Variants in EVL observed in about 807,000 individuals in gnomAD.
EVL encodes the protein ena/VASP-like protein.
In EVL, 21 loss-of-function variants were observed where a neutral mutation model predicts 59.6. That is an observed-to-expected ratio of 0.35 (90% CI 0.25 to 0.51). The LOEUF (loss-of-function observed/expected upper bound fraction) is 0.51, where lower values mean the gene tolerates loss of function less well. Among genes scored for constraint, EVL ranks in the 20% least tolerant of loss-of-function variants. EVL has a pLI of 0.97. For missense variants in EVL, 462 were observed against 546.6 expected (o/e 0.85, Z 1.54); for synonymous variants, 198 against 203.5 (o/e 0.97, Z 0.23).
At chr14:99,991,919 G>A (rs1243785122) in intron 1 of EVL, among the ~76,000 whole-genome samples, 2 of 150,092 alleles carry the variant, frequency 1.3e-5, no homozygotes, top group Admixed American at 6.6e-5. Context: ...TGGGAGGGTG[G>A]GAGTTTGCAC....
intron 1 of EVL, among the ~76,000 whole-genome samples, chr14:100,075,865 G>T (rs140831431): frequency 3.3e-5 from 5 of 152,090 alleles, no homozygotes; most frequent in African/African-American, 1.2e-4. Context: ...TATCAGCTCC[G>T]GTTTACAGAC....
intron 1 of EVL, chr14:100,019,383 G>A: frequency 2.5e-6 from 1 of 405,606 alleles, no homozygotes; most frequent in South Asian, 6.0e-5. Context: ...GACTAATCCA[G>A]TTCCCAGCCT....
intron 3 of EVL, chr14:100,107,641 G>A (rs1886656731): frequency 4.9e-6 from 1 of 204,504 alleles, no homozygotes. Context: ...TGAGGAGAGG[G>A]TTGAGTAACT....
intron 9 of EVL, 77 bp from the exon 10 acceptor site, chr14:100,137,501 T>C: frequency 6.8e-7 from 1 of 1,470,446 alleles, no homozygotes; most frequent in Non-Finnish European, 9.5e-7. Context: ...GGCTTCCTGT[T>C]GGGGTGTTTA....
chr14:100,058,749 A>G (rs992145345), intron 1 of EVL, among the ~76,000 whole-genome samples: 2 of 152,178 alleles, frequency 1.3e-5, no homozygotes, highest in African/African-American at 4.8e-5. Context: ...CAAGGGTTGG[A>G]ATCCCTATCT....
At chr14:100,095,079 A>C (rs947405796) in intron 2 of EVL, among the ~76,000 whole-genome samples, 1 of 152,070 alleles carries the variant, frequency 6.6e-6, no homozygotes, top group African/African-American at 2.4e-5. Flanking sequence ...GGTACTAAAA[A>C]TTTTTTTTGT....
intron 4 of EVL, 31 bp from the exon 5 acceptor site, chr14:100,126,676 G>T: frequency 6.2e-7 from 1 of 1,613,376 alleles, no homozygotes; most frequent in Non-Finnish European, 8.5e-7. Context: ...GAGTGGAGGA[G>T]TCAGACTGCC....
intron 1 of EVL, among the ~76,000 whole-genome samples, chr14:99,977,813 T>A (rs908884466): frequency 2.6e-5 from 4 of 151,690 alleles, no homozygotes; most frequent in Non-Finnish European, 5.9e-5. Context: ...AAGTCATGGA[T>A]GGCTGGGCAC....
chr14:100,067,948 G>T (rs184976800), intron 1 of EVL, among the ~76,000 whole-genome samples: 22 of 152,266 alleles, frequency 1.4e-4, no homozygotes, highest in African/African-American at 4.3e-4. Flanking sequence ...GAAGAATAGG[G>T]ATGATTTTTT....
At chr14:100,057,564 T>C (rs897004700) in intron 1 of EVL, among the ~76,000 whole-genome samples, 2 of 152,196 alleles carry the variant, frequency 1.3e-5, no homozygotes, top group Non-Finnish European at 2.9e-5. Flanking sequence ...ACAGTTGGAC[T>C]TCACAGAGCA....
intron 3 of EVL, among the ~76,000 whole-genome samples, chr14:100,110,692 T>A (rs1031291641): frequency 1.3e-5 from 2 of 152,208 alleles, no homozygotes; most frequent in Non-Finnish European, 2.9e-5. Flanking sequence ...GCCCCTAATT[T>A]CAGAGCATCC....
At chr14:100,096,219 G>C (rs1885800566) in intron 2 of EVL, among the ~76,000 whole-genome samples, 1 of 152,218 alleles carries the variant, frequency 6.6e-6, no homozygotes, top group Non-Finnish European at 1.5e-5. Flanking sequence ...AGCAATAAAG[G>C]AAAGTGATAA....
At chr14:100,076,187 A>G (rs2062157287) in intron 1 of EVL, among the ~76,000 whole-genome samples, 1 of 152,212 alleles carries the variant, frequency 6.6e-6, no homozygotes, top group Admixed American at 6.5e-5. Context: ...TGTCATGGGG[A>G]TGCTTTCGCT....
intron 1 of EVL, among the ~76,000 whole-genome samples, chr14:99,973,299 G>A (rs2060747702): frequency 6.6e-6 from 1 of 152,226 alleles, no homozygotes; most frequent in African/African-American, 2.4e-5. Flanking sequence ...ACTTGGTATT[G>A]TCAGTCTTAA....
intron 1 of EVL, among the ~76,000 whole-genome samples, chr14:100,046,789 G>A (rs903904687): frequency 3.2e-5 from 4 of 125,320 alleles, no homozygotes; most frequent in Non-Finnish European, 4.8e-5. Flanking sequence ...GTCTTGCTCT[G>A]TTGCCCAGGC....
chr14:100,060,580 T>C (rs989221119), upstream of EVL, among the ~76,000 whole-genome samples: 1 of 151,624 alleles, frequency 6.6e-6, no homozygotes, highest in East Asian at 1.9e-4. Flanking sequence ...ATCTGAAAAA[T>C]GGGAAAATAT....
Position 100,133,101 on chromosome 14 carries a change from C to T in EVL, c.900+322C>T, listed in dbSNP as rs903249231. On this transcript the variant is annotated intron_variant, in intron 8 of 13. Transcript: ENST00000392920. ...GAGCACAGACCAGCCAGGGTCTCGG[C>T]GGGACTGGGACTCCAGGAGTACACT... 7.2e-5 allele frequency among the ~76,000 whole-genome samples: 11 copies of T among 152,190 alleles called. No individual in the cohort carries two copies. In the East Asian group the frequency reaches 1.3e-3, roughly 19 times the overall value.
chr14:100,040,936 C>T (rs1595605349), intron 1 of EVL, among the ~76,000 whole-genome samples: 1 of 152,270 alleles, frequency 6.6e-6, no homozygotes, highest in East Asian at 1.9e-4. Flanking sequence ...GCTTAAGCTA[C>T]AACGTTTGTG....
intron 1 of EVL, among the ~76,000 whole-genome samples, chr14:100,050,361 A>ATTT (rs11361997): frequency 1.2e-5 from 1 of 82,806 alleles, no homozygotes; most frequent in Non-Finnish European, 3.2e-5. Flanking sequence ...TTATTTATTT[A>ATTT]TTTTTTTTTA....
Sources: gnomAD v4.1 joint callset for allele counts (sites outside exome capture counted in the v4.1 genomes callset) on GRCh38, gnomAD v4.1.1 for gene constraint, MANE v1.5 for transcripts, NCBI Gene and HGNC (gene_info 2026-07-23, HGNC 2026-07-21) for gene names.